The following ATP2B1 variants were observed in gnomAD, a reference collection of about 807,000 sequenced individuals.
ATP2B1 encodes plasma membrane calcium-transporting ATPase 1.
In ATP2B1, 14 loss-of-function variants were observed where a neutral mutation model predicts 124.2. That is an observed-to-expected ratio of 0.11 (90% CI 0.07 to 0.18). ATP2B1 has a LOEUF of 0.18. ATP2B1 is among the 10% of genes least tolerant of loss of function. ATP2B1 has a pLI of 1.00. For synonymous variants in ATP2B1, 449 were observed against 492.4 expected, an observed-to-expected ratio of 0.91 and a Z score of 1.17; for missense variants, 763 against 1,466.1, an observed-to-expected ratio of 0.52 and a Z score of 7.83.
chr12:89,651,152 T>C (rs952691721), intron 2 of ATP2B1, among the ~76,000 whole-genome samples: 2 of 152,378 alleles, frequency 1.3e-5, no homozygotes, highest in South Asian at 4.1e-4. Flanking sequence ...AAATTATATC[T>C]GGTCAAAACA....
At chr12:89,605,440 A>AC (rs1372952283) in intron 15 of ATP2B1, among the ~76,000 whole-genome samples, 1 of 151,556 alleles carries the variant, frequency 6.6e-6, no homozygotes, top group Non-Finnish European at 1.5e-5. Flanking sequence ...GGTGAGTTTG[A>AC]CCCCCTCTTG....
At chr12:89,677,424 TC>T (rs1166224033) in intron 1 of ATP2B1, among the ~76,000 whole-genome samples, 2 of 152,138 alleles carry the variant, frequency 1.3e-5, no homozygotes, top group African/African-American at 4.8e-5. Flanking sequence ...TCAAATATTC[TC>T]CTCTTAATTC....
chr12:89,687,290 C>T (rs1890070310), intron 1 of ATP2B1, among the ~76,000 whole-genome samples: 1 of 152,044 alleles, frequency 6.6e-6, no homozygotes, highest in Non-Finnish European at 1.5e-5. Context: ...ACACTGCCTA[C>T]AATATTTAGT....
At chr12:89,693,855 C>T (rs78120754) in intron 1 of ATP2B1, among the ~76,000 whole-genome samples, 2,470 of 152,264 alleles carry the variant, frequency 0.016, 62 homozygotes, top group African/African-American at 0.057. Context: ...CTGCCAATTT[C>T]CTGGTTCTCT....
intron 2 of ATP2B1, among the ~76,000 whole-genome samples, chr12:89,646,645 G>A (rs921249125): frequency 3.9e-5 from 6 of 152,220 alleles, no homozygotes; most frequent in Non-Finnish European, 8.8e-5. Context: ...TCACTAGATA[G>A]AGGCTGATGA....
At position 89,588,425 on chromosome 12, in the gene ATP2B1, A is replaced by G. The variant is rs1479774804; in HGVS notation, c.*2559T>C. 6.6e-6 allele frequency: 1 copy of G among 152,620 alleles called. No homozygotes were observed. Among genetic ancestry groups the G allele is most frequent in the Non-Finnish European group, 1.5e-5 (1 of 68,020 alleles). The allele number at this position is 152,620 out of a possible 1,614,324, so 9.5% of individuals were successfully genotyped here. The stretch of plus-strand genomic sequence containing the variant: ...AGAAAAGGATTTTTAAAAAATATAC[A>G]AAGATTAAAAACATTTGGGATGCAA... On this transcript the variant is annotated 3_prime_UTR_variant, in exon 21 of 21. Transcript: ENST00000428670.
At chr12:89,626,428 A>G (rs1453339587) in intron 8 of ATP2B1, 26 bp downstream of exon 8, 5 of 1,559,100 alleles carry the variant, frequency 3.2e-6, no homozygotes, top group African/African-American at 2.8e-5. Flanking sequence ...AAAATAAAAC[A>G]CTTTATTTTC....
intron 8 of ATP2B1, 49 bp downstream of exon 8, chr12:89,626,405 G>C (rs780562945): frequency 1.3e-6 from 2 of 1,522,754 alleles, no homozygotes; most frequent in East Asian, 2.3e-5. Flanking sequence ...TTTTTAAGCA[G>C]AAAGCATACT....
chr12:89,698,979 G>A (rs1405024017), intron 1 of ATP2B1, among the ~76,000 whole-genome samples: 1 of 152,168 alleles, frequency 6.6e-6, no homozygotes, highest in Non-Finnish European at 1.5e-5. Flanking sequence ...CCTTCTGCAA[G>A]GATGAAGGAA....
intron 1 of ATP2B1, among the ~76,000 whole-genome samples, chr12:89,684,744 T>C (rs1889760943): frequency 2.0e-5 from 3 of 152,124 alleles, no homozygotes; most frequent in African/African-American, 4.8e-5. Context: ...TTTGGACCAT[T>C]TGAGATTGGA....
intron 1 of ATP2B1, among the ~76,000 whole-genome samples, chr12:89,680,486 G>A (rs1323662703): frequency 2.6e-5 from 4 of 151,996 alleles, no homozygotes; most frequent in South Asian, 2.1e-4. Context: ...ATTGGAGAAC[G>A]GATTTCGAGT....
chr12:89,670,626 T>C (rs1037905752), intron 1 of ATP2B1, among the ~76,000 whole-genome samples: 7 of 152,148 alleles, frequency 4.6e-5, no homozygotes, highest in Admixed American at 6.6e-5. Flanking sequence ...AATCTACCAA[T>C]CCTGGTACTA....
chr12:89,667,766 T>C (rs912750243), intron 1 of ATP2B1, among the ~76,000 whole-genome samples: 3 of 152,222 alleles, frequency 2.0e-5, no homozygotes, highest in Non-Finnish European at 2.9e-5. Flanking sequence ...AAACATTCCA[T>C]GCTCATGGAT....
intron 1 of ATP2B1, among the ~76,000 whole-genome samples, chr12:89,681,238 C>T (rs1174121176): frequency 6.6e-6 from 1 of 151,834 alleles, no homozygotes; most frequent in East Asian, 1.9e-4. Flanking sequence ...AGAGGAAATC[C>T]CCCAAAATAA....
intron 20 of ATP2B1, chr12:89,594,029 C>G (rs1874094254): frequency 6.6e-6 from 1 of 152,014 alleles, no homozygotes; most frequent in African/African-American, 2.4e-5. Flanking sequence ...AAGGTTAATG[C>G]TTCCTTTGTC....
At chr12:89,633,979 T>A (rs1249597965) in intron 5 of ATP2B1, among the ~76,000 whole-genome samples, 1 of 152,078 alleles carries the variant, frequency 6.6e-6, no homozygotes, top group Non-Finnish European at 1.5e-5. Flanking sequence ...GACTTGGGGG[T>A]CAATTTGTGA....
At chr12:89,677,918 G>A (rs974511179) in intron 1 of ATP2B1, among the ~76,000 whole-genome samples, 1 of 144,854 alleles carries the variant, frequency 6.9e-6, no homozygotes, top group Admixed American at 7.0e-5. Flanking sequence ...ACTAAATCCT[G>A]CCTTTGGATT....
At chr12:89,687,761 A>G (rs1362902458) in intron 1 of ATP2B1, among the ~76,000 whole-genome samples, 1 of 152,128 alleles carries the variant, frequency 6.6e-6, no homozygotes, top group African/African-American at 2.4e-5. Flanking sequence ...CAGCAATGTT[A>G]GTATTTTACA....
chr12:89,594,098 A>G (rs1239700775), intron 20 of ATP2B1: 2 of 152,054 alleles, frequency 1.3e-5, no homozygotes, highest in African/African-American at 4.8e-5. Context: ...AGGCCAGTTC[A>G]GCAATGCTCG....
Sources: gnomAD v4.1 joint callset for allele counts (sites outside exome capture counted in the v4.1 genomes callset) on GRCh38, gnomAD v4.1.1 for gene constraint, MANE v1.5 for transcripts, NCBI Gene and HGNC (gene_info 2026-07-23, HGNC 2026-07-21) for gene names.